The following SOX5 variants were observed in gnomAD, a reference collection of about 807,000 sequenced individuals.
The protein encoded by SOX5 is SRY-box transcription factor 5.
A neutral mutation model predicts 92.0 loss-of-function variants in SOX5; 9 were observed. That is an observed-to-expected ratio of 0.10 (90% confidence interval 0.06 to 0.17). The LOEUF (loss-of-function observed/expected upper bound fraction) is 0.17. Among genes scored for constraint, SOX5 ranks in the 10% least tolerant of loss-of-function variants. The pLI is 1.00. For synonymous variants in SOX5, 344 were observed against 336.3 expected (o/e 1.02, Z -0.25); for missense variants, 642 against 944.5 (o/e 0.68, Z 4.20).
At chr12:24,212,353 G>T in intron 4 of SOX5, 4 of 517,568 alleles carry the variant, frequency 7.7e-6, no homozygotes, top group Non-Finnish European at 1.6e-5. Flanking sequence ...TTTAATTGAA[G>T]AGATCTGATC....
intron 3 of SOX5, among the ~76,000 whole-genome samples, chr12:23,770,053 T>TTG (rs1555330664): frequency 2.7e-5 from 4 of 150,142 alleles, no homozygotes; most frequent in African/African-American, 9.8e-5. Flanking sequence ...CCTCTGTTTT[T>TTG]TTTTTTTTTT....
chr12:24,206,425 A>G (rs1332053494), intron 4 of SOX5, among the ~76,000 whole-genome samples: 4 of 152,166 alleles, frequency 2.6e-5, no homozygotes, highest in African/African-American at 9.7e-5. Context: ...CCAGACACTT[A>G]AGAGCCAGAA....
At chr12:24,004,769 T>G (rs1951976835) in intron 4 of SOX5, among the ~76,000 whole-genome samples, 1 of 152,082 alleles carries the variant, frequency 6.6e-6, no homozygotes, top group Non-Finnish European at 1.5e-5. Flanking sequence ...CTCTTGGATA[T>G]CCAAAGAAAT....
At chr12:23,831,760 AGTT>A in intron 3 of SOX5, among the ~76,000 whole-genome samples, 1 of 152,192 alleles carries the variant, frequency 6.6e-6, no homozygotes, top group Non-Finnish European at 1.5e-5. Flanking sequence ...AAAAAGTTCT[AGTT>A]GTTTAAATAA....
chr12:23,577,176 C>CACACATATAT (rs1273547543), intron 9 of SOX5, among the ~76,000 whole-genome samples: 2 of 76,960 alleles, frequency 2.6e-5, no homozygotes, highest in Admixed American at 2.0e-4. Context: ...CACACACACA[C>CACACATATAT]ATATATATAT....
intron 1 of SOX5, among the ~76,000 whole-genome samples, chr12:23,935,456 A>G (rs977834754): frequency 6.6e-6 from 1 of 151,258 alleles, no homozygotes; most frequent in Non-Finnish European, 1.5e-5. Context: ...AAGCAAAAAT[A>G]CTGCCTGTCT....
chr12:23,840,135 A>G (rs1346167853), intron 3 of SOX5, among the ~76,000 whole-genome samples: 1 of 152,148 alleles, frequency 6.6e-6, no homozygotes, highest in African/African-American at 2.4e-5. Flanking sequence ...CTGAAAGGCC[A>G]AAGGATGCAA....
chr12:23,695,021 G>C (rs1367593570), intron 6 of SOX5, among the ~76,000 whole-genome samples: 1 of 151,920 alleles, frequency 6.6e-6, no homozygotes, highest in Non-Finnish European at 1.5e-5. Context: ...TTGCAAGGCT[G>C]AGGTGGGAGA....
In SOX5 at chr12:23,721,620, T is replaced by G. The variant is rs190137214; in HGVS notation, c.810+13064A>C. On this transcript the variant is annotated intron_variant, in intron 6 of 14. Transcript: ENST00000451604. ...GAATGGCCTGAGTTCCACACTGTCC[T>G]AACACATTCTTCCTGCTCACTCAAA... is the stretch of plus-strand genomic sequence containing the variant. 8.5e-3 allele frequency among the ~76,000 whole-genome samples: 1,289 copies of G among 152,322 alleles called. 8 individuals carry two copies. Among genetic ancestry groups the G allele is most frequent in the Non-Finnish European group, 0.011 (769 of 68,022 alleles).
At chr12:24,315,805 G>T (rs894110487) in intron 2 of SOX5, among the ~76,000 whole-genome samples, 1 of 152,216 alleles carries the variant, frequency 6.6e-6, no homozygotes, top group African/African-American at 2.4e-5. Flanking sequence ...TTTCTAGCAC[G>T]TGGTCCTCTT....
At chr12:24,299,639 T>C (rs900012436) in intron 2 of SOX5, among the ~76,000 whole-genome samples, 3 of 152,206 alleles carry the variant, frequency 2.0e-5, no homozygotes, top group Non-Finnish European at 4.4e-5. Context: ...GTTTATGTGG[T>C]AGCATTTTTG....
intron 3 of SOX5, among the ~76,000 whole-genome samples, chr12:24,256,433 T>C (rs1594857274): frequency 6.6e-6 from 1 of 152,340 alleles, no homozygotes; most frequent in South Asian, 2.1e-4. Context: ...AGCCAAAGGC[T>C]TGCCCTTTGA....
At chr12:24,085,217 T>C (rs1943836190) in intron 4 of SOX5, among the ~76,000 whole-genome samples, 1 of 152,278 alleles carries the variant, frequency 6.6e-6, no homozygotes, top group South Asian at 2.1e-4. Context: ...CAGATGCCTT[T>C]CAGCCTGTTC....
chr12:23,695,940 CAAAAAAAAAAAAAAAA>C (rs71059917), intron 6 of SOX5, among the ~76,000 whole-genome samples: 1 of 11,924 alleles, frequency 8.4e-5, no homozygotes, highest in African/African-American at 2.7e-4. Context: ...GACTCTGTCT[CAAAAAAAAAAAAAAAA>C]AAAAAAAAAA....
intron 3 of SOX5, among the ~76,000 whole-genome samples, chr12:23,782,875 T>C (rs912791664): frequency 3.3e-5 from 5 of 151,994 alleles, no homozygotes; most frequent in African/African-American, 1.2e-4. Context: ...TGAATTTTTG[T>C]GTGTGTGTGT....
chr12:24,231,138 C>G (rs1963306546), intron 3 of SOX5, among the ~76,000 whole-genome samples: 1 of 152,210 alleles, frequency 6.6e-6, no homozygotes, highest in South Asian at 2.1e-4. Context: ...GAAGCTCTTA[C>G]TTTGAGATGG....
At chr12:24,209,568 T>C (rs1200308080) in intron 4 of SOX5, among the ~76,000 whole-genome samples, 1 of 152,224 alleles carries the variant, frequency 6.6e-6, no homozygotes, top group East Asian at 1.9e-4. Context: ...TAGTTTCTAA[T>C]GCATTAATTA....
chr12:23,981,104 C>G (rs933667074), intron 4 of SOX5, among the ~76,000 whole-genome samples: 1 of 152,090 alleles, frequency 6.6e-6, no homozygotes, highest in African/African-American at 2.4e-5. Context: ...TGAATTATAT[C>G]TATATGGTAG....
intron 1 of SOX5, among the ~76,000 whole-genome samples, chr12:24,375,608 C>G (rs1957181762): frequency 6.6e-6 from 1 of 151,734 alleles, no homozygotes; most frequent in African/African-American, 2.4e-5. Context: ...TGGTGGTGGG[C>G]ACCTGTAACC....
Sources: gnomAD v4.1 joint callset for allele counts (sites outside exome capture counted in the v4.1 genomes callset) on GRCh38, gnomAD v4.1.1 for gene constraint, MANE v1.5 for transcripts, NCBI Gene and HGNC (gene_info 2026-07-23, HGNC 2026-07-21) for gene names.